Variants in ANKIB1 observed in about 807,000 individuals in gnomAD.
ANKIB1 encodes ankyrin repeat and IBR domain containing 1, also known as ankyrin repeat and IBR domain-containing protein 1.
Under a neutral mutation model 122.1 loss-of-function variants are expected in ANKIB1, and 43 were observed. The observed-to-expected ratio is 0.35, with a 90% CI of 0.28 to 0.45. The LOEUF (loss-of-function observed/expected upper bound fraction) is 0.45. ANKIB1 is among the 20% of genes least tolerant of loss of function. The pLI, the probability that ANKIB1 is intolerant of heterozygous loss-of-function variation, is 1.00. For missense variants in ANKIB1, 992 were observed against 1,329.5 expected (o/e 0.75, Z 3.95); for synonymous variants, 390 against 442.0 (o/e 0.88, Z 1.48).
At chr7:92,324,933 A>C (rs952562976) in intron 4 of ANKIB1, among the ~76,000 whole-genome samples, 1 of 152,256 alleles carries the variant, frequency 6.6e-6, no homozygotes, top group African/African-American at 2.4e-5. Flanking sequence ...ACGTTCCAAC[A>C]GGGAGAGAGA....
At chr7:92,336,911 G>C (rs1359358583) in intron 5 of ANKIB1, among the ~76,000 whole-genome samples, 1 of 152,138 alleles carries the variant, frequency 6.6e-6, no homozygotes, top group Non-Finnish European at 1.5e-5. Context: ...ATCTGTAGGA[G>C]AGTTGGTCTG....
At chr7:92,272,247 A>G (rs984934024) in intron 1 of ANKIB1, among the ~76,000 whole-genome samples, 1 of 152,212 alleles carries the variant, frequency 6.6e-6, no homozygotes, top group Admixed American at 6.5e-5. Flanking sequence ...TTTTATAGCT[A>G]TGGAGATCCA....
chr7:92,361,514 T>C (rs988691724), intron 9 of ANKIB1, among the ~76,000 whole-genome samples: 2 of 152,198 alleles, frequency 1.3e-5, no homozygotes, highest in Non-Finnish European at 2.9e-5. Context: ...TGCTCAGTAA[T>C]GGCCAGGAAT....
intron 16 of ANKIB1, 116 bp downstream of exon 16, chr7:92,391,460 G>A (rs1316407708): frequency 2.2e-6 from 2 of 922,122 alleles, no homozygotes; most frequent in South Asian, 3.8e-5. Context: ...CTAAAATATG[G>A]ATAGCTCATA....
chr7:92,386,891 C>G (rs1452641320), intron 12 of ANKIB1, among the ~76,000 whole-genome samples: 1 of 151,970 alleles, frequency 6.6e-6, no homozygotes, highest in Non-Finnish European at 1.5e-5. Flanking sequence ...TCTGTAAATA[C>G]TTAAAAACAA....
intron 11 of ANKIB1, among the ~76,000 whole-genome samples, chr7:92,379,798 G>A (rs1475919494): frequency 6.6e-6 from 1 of 152,056 alleles, no homozygotes; most frequent in Non-Finnish European, 1.5e-5. Context: ...GGCCAAATAG[G>A]AACAGCCCCA....
At chr7:92,300,257 A>G (rs886758852) in intron 2 of ANKIB1, among the ~76,000 whole-genome samples, 1 of 152,212 alleles carries the variant, frequency 6.6e-6, no homozygotes, top group Admixed American at 6.5e-5. Flanking sequence ...TACAGGAAAT[A>G]TGATTGTATA....
intron 11 of ANKIB1, among the ~76,000 whole-genome samples, chr7:92,375,827 G>A (rs1272663058): frequency 2.0e-5 from 3 of 152,164 alleles, no homozygotes; most frequent in Admixed American, 6.5e-5. Flanking sequence ...GGCAGCTTTA[G>A]CCTTACAAAA....
At chr7:92,379,261 G>A (rs544424986) in intron 11 of ANKIB1, among the ~76,000 whole-genome samples, 146 of 152,188 alleles carry the variant, frequency 9.6e-4, no homozygotes, top group African/African-American at 3.0e-3. Context: ...GCATGGTGGC[G>A]GGTGTCTGTA....
Position 92,339,531 on chromosome 7 carries a change from G to A in ANKIB1, c.788-3493G>A, listed in dbSNP as rs181454539. On this transcript the variant is annotated intron_variant, in intron 5 of 19. Transcript: ENST00000265742. ...CTACTTCAGTTAGATTTAAATAATAGGAGCATGTGGTTTTATATTCATTTG... is the reference window on the plus strand; with the variant it reads ...CTACTTCAGTTAGATTTAAATAATAAGAGCATGTGGTTTTATATTCATTTG... Among the ~76,000 whole-genome samples the A allele has an allele frequency of 2.6e-3, 397 of 152,214 alleles. 1 individual carries two copies. The highest frequency in any genetic ancestry group is 6.7e-3 in the African/African-American group (277 of 41,530).
chr7:92,285,967 T>C (rs541379435), intron 1 of ANKIB1, among the ~76,000 whole-genome samples: 2 of 152,294 alleles, frequency 1.3e-5, no homozygotes, highest in Admixed American at 1.3e-4. Context: ...TAAGTTTGCC[T>C]TTATCCTGTC....
At chr7:92,256,962 T>C (rs958917311) in intron 1 of ANKIB1, among the ~76,000 whole-genome samples, 1 of 152,010 alleles carries the variant, frequency 6.6e-6, no homozygotes. Flanking sequence ...GGCCGAGGCA[T>C]GTGGCTCACC....
intron 2 of ANKIB1, among the ~76,000 whole-genome samples, chr7:92,301,059 T>A (rs1482494029): frequency 4.6e-5 from 7 of 152,222 alleles, no homozygotes; most frequent in Non-Finnish European, 8.8e-5. Context: ...TATTCCATTG[T>A]ATATATGCCA....
chr7:92,332,380 A>G (rs750882946), intron 5 of ANKIB1, among the ~76,000 whole-genome samples: 4 of 152,218 alleles, frequency 2.6e-5, no homozygotes, highest in African/African-American at 9.6e-5. Context: ...ATTCATTTTT[A>G]TACAGGAAAA....
intron 5 of ANKIB1, among the ~76,000 whole-genome samples, chr7:92,338,900 A>G (rs1803355318): frequency 9.9e-6 from 1 of 100,790 alleles, no homozygotes; most frequent in African/African-American, 3.9e-5. Flanking sequence ...CGACAGAGTG[A>G]GACTCCATCT....
chr7:92,371,349 G>GA, intron 10 of ANKIB1, 128 bp from the exon 11 acceptor site: 1 of 786,948 alleles, frequency 1.3e-6, no homozygotes. Flanking sequence ...CACAGACCCT[G>GA]ATCAGAAAAT....
At chr7:92,340,136 C>T (rs574758886) in intron 5 of ANKIB1, among the ~76,000 whole-genome samples, 1 of 151,968 alleles carries the variant, frequency 6.6e-6, no homozygotes, top group South Asian at 2.1e-4. Flanking sequence ...CCCAAGAAAT[C>T]TTTTGTGCTA....
intron 14 of ANKIB1, among the ~76,000 whole-genome samples, chr7:92,389,528 G>A (rs185021342): frequency 3.3e-5 from 5 of 151,870 alleles, no homozygotes; most frequent in East Asian, 1.9e-4. Flanking sequence ...TTTTCCTTAC[G>A]GTATTGGTTT....
chr7:92,398,099 C>A (rs1208228830), intron 19 of ANKIB1, 113 bp from the exon 20 acceptor site: 1 of 1,192,746 alleles, frequency 8.4e-7, no homozygotes, highest in Non-Finnish European at 1.1e-6. Flanking sequence ...AATAATTTTT[C>A]TGTATAAATA....
Sources: allele counts gnomAD v4.1 joint callset (sites outside exome capture counted in the v4.1 genomes callset), GRCh38; gene constraint gnomAD v4.1.1; transcripts MANE v1.5; gene names NCBI Gene and HGNC (gene_info 2026-07-23, HGNC 2026-07-21).